Variants in IPCEF1 observed in about 807,000 individuals in gnomAD.
IPCEF1 encodes interaction protein for cytohesin exchange factors 1, also known as interactor protein for cytohesin exchange factors 1.
A neutral mutation model predicts 50.9 loss-of-function variants in IPCEF1; 31 were observed. That is an observed-to-expected ratio of 0.61 (90% CI 0.46 to 0.82). The LOEUF (loss-of-function observed/expected upper bound fraction) is 0.82, where lower values mean the gene tolerates loss of function less well. Ranked by LOEUF, IPCEF1 falls within the 40% of genes least tolerant of loss-of-function variation. The pLI is 0.00. For synonymous variants in IPCEF1, 181 were observed against 192.0 expected (o/e 0.94, Z 0.47); for missense variants, 458 against 514.0 (o/e 0.89, Z 1.05).
intron 1 of IPCEF1, among the ~76,000 whole-genome samples, chr6:154,342,143 A>G (rs1183939838): frequency 2.6e-5 from 4 of 152,126 alleles, no homozygotes; most frequent in African/African-American, 9.7e-5. Context: ...CTGGCCTCCC[A>G]TAAGCATGGA....
intron 8 of IPCEF1, among the ~76,000 whole-genome samples, chr6:154,213,993 T>C (rs1487064541): frequency 1.3e-5 from 2 of 152,208 alleles, no homozygotes; most frequent in African/African-American, 4.8e-5. Flanking sequence ...TGCCGGAGTG[T>C]GGGTGAAGTG....
chr6:154,224,273 T>A (rs1779081853), intron 5 of IPCEF1, among the ~76,000 whole-genome samples: 1 of 152,238 alleles, frequency 6.6e-6, no homozygotes, highest in Non-Finnish European at 1.5e-5. Flanking sequence ...CTCTTTCCTT[T>A]ATTGCCAACT....
At chr6:154,354,942 T>A (rs556705228) in intron 1 of IPCEF1, among the ~76,000 whole-genome samples, 2 of 152,072 alleles carry the variant, frequency 1.3e-5, no homozygotes, top group South Asian at 2.1e-4. Context: ...AAGTAACTCC[T>A]CCATTTGCAG....
chr6:154,223,234 C>G lies in IPCEF1; in HGVS notation c.256G>C (p.Ala86Pro), dbSNP rs1162570791. 7 of 1,612,554 alleles carry G rather than the reference C, an allele frequency of 4.3e-6. No homozygotes were observed. Among genetic ancestry groups the G allele is most frequent in the Non-Finnish European group, 5.9e-6 (7 of 1,179,524 alleles). ...TCAGGCAGGTTGACAAATCCATCAG[C>G]TTTCTCTGCCTGAAACAAATATATA... ...YWYSNQMAEKADGFVNLPDFT... is the reference protein window; with the variant it reads ...YWYSNQMAEKPDGFVNLPDFT... The change falls in exon 6 of 12, where the codon GCT becomes CCT. Residue 86 changes from alanine (A) to proline (P), a missense_variant. Coordinates refer to ENST00000367220, the MANE Select transcript of IPCEF1 (RefSeq NM_001130700.2).
intron 10 of IPCEF1, among the ~76,000 whole-genome samples, chr6:154,175,217 G>T (rs942921353): frequency 2.6e-5 from 4 of 152,178 alleles, no homozygotes; most frequent in Non-Finnish European, 4.4e-5. Context: ...ACAAGAGAAA[G>T]CAGGGAAGAT....
At chr6:154,183,351 T>A (rs538398780) in intron 10 of IPCEF1, among the ~76,000 whole-genome samples, 1 of 152,336 alleles carries the variant, frequency 6.6e-6, no homozygotes, top group South Asian at 2.1e-4. Flanking sequence ...TCTATGTACT[T>A]GCATAACATG....
At chr6:154,356,614 A>T (rs1415505395) in intron 1 of IPCEF1, 58 bp downstream of exon 1, 2 of 152,206 alleles carry the variant, frequency 1.3e-5, no homozygotes, top group Non-Finnish European at 2.9e-5. Flanking sequence ...TTGCTTTGCC[A>T]TCTTGATCTG....
intron 2 of IPCEF1, among the ~76,000 whole-genome samples, chr6:154,271,054 T>G (rs1442778365): frequency 6.6e-6 from 1 of 152,034 alleles, no homozygotes; most frequent in Non-Finnish European, 1.5e-5. Context: ...TAAAATATTT[T>G]CAGGCATAAA....
At chr6:154,247,639 C>A in intron 3 of IPCEF1, 151 bp from the exon 4 acceptor site, 1 of 573,506 alleles carries the variant, frequency 1.7e-6, no homozygotes, top group Non-Finnish European at 3.1e-6. Flanking sequence ...GAGCTACTAG[C>A]TGAGGCACAA....
rs1171254159 is a variant in IPCEF1 at position 154,155,913 on chromosome 6, G to A, written c.*3915C>T. On this transcript the variant is annotated 3_prime_UTR_variant, in exon 12 of 12. Coordinates refer to ENST00000367220, the MANE Select transcript of IPCEF1 (RefSeq NM_001130700.2). Reference sequence around the variant, plus strand: ...TTCTTTGAATCTGTTTCATCTCTGTGACATTGTTTGTGACTGGAGTGCTAC... The same window carrying A: ...TTCTTTGAATCTGTTTCATCTCTGTAACATTGTTTGTGACTGGAGTGCTAC... 1.3e-5 allele frequency: 2 copies of A among 152,086 alleles called. No individual in the cohort carries two copies. Among genetic ancestry groups the A allele is most frequent in the African/African-American group, 2.4e-5 (1 of 41,396 alleles). 9.4% of individuals were successfully genotyped at this position (152,086 alleles called of 1,614,324 possible). A position where few individuals can be genotyped will look rare whatever the true frequency, so the allele number is the denominator to read the frequency against.
At chr6:154,337,331 A>G (rs1783808684) in intron 1 of IPCEF1, among the ~76,000 whole-genome samples, 1 of 152,234 alleles carries the variant, frequency 6.6e-6, no homozygotes, top group Admixed American at 6.5e-5. Flanking sequence ...TTAGATATAG[A>G]CACTGAGTGT....
intron 11 of IPCEF1, among the ~76,000 whole-genome samples, chr6:154,167,716 A>G (rs1323703507): frequency 6.6e-6 from 1 of 152,170 alleles, no homozygotes; most frequent in East Asian, 1.9e-4. Context: ...CCTATTGTGA[A>G]AAACTGCCTT....
chr6:154,185,973 C>T (rs1354735986), intron 10 of IPCEF1, among the ~76,000 whole-genome samples: 1 of 152,230 alleles, frequency 6.6e-6, no homozygotes, highest in Non-Finnish European at 1.5e-5. Flanking sequence ...TTCCCCTTCT[C>T]CCTTAACAGG....
intron 9 of IPCEF1, among the ~76,000 whole-genome samples, chr6:154,202,199 G>T (rs1777124646): frequency 6.6e-6 from 1 of 152,086 alleles, no homozygotes; most frequent in African/African-American, 2.4e-5. Flanking sequence ...CTCTAGTTAA[G>T]ATACTAACTA....
Position 154,158,161 on chromosome 6 carries a change from C to T in IPCEF1, c.*1667G>A, listed in dbSNP as rs1280580637. On this transcript the variant is annotated 3_prime_UTR_variant, in exon 12 of 12. Coordinates refer to ENST00000367220, the MANE Select transcript of IPCEF1 (RefSeq NM_001130700.2). ...TGGGGAACTATTCAACAACTATTTC[C>T]ATTTTGTTTGCAGATATAATTCAGG... The T allele has an allele frequency of 2.0e-5, 3 of 152,164 alleles. No homozygotes were observed. The highest frequency in any genetic ancestry group is 7.2e-5 in the African/African-American group (3 of 41,430). 9.4% of individuals were successfully genotyped at this position (152,164 alleles called of 1,614,324 possible).
chr6:154,268,176 A>G (rs1781806532), intron 2 of IPCEF1, among the ~76,000 whole-genome samples: 2 of 152,196 alleles, frequency 1.3e-5, no homozygotes, highest in Admixed American at 6.5e-5. Context: ...CAGAGCAGGC[A>G]CTGACAGCAG....
At chr6:154,330,780 CCTTA>C (rs1471885657) in intron 1 of IPCEF1, among the ~76,000 whole-genome samples, 6 of 152,192 alleles carry the variant, frequency 3.9e-5, no homozygotes, top group African/African-American at 1.4e-4. Flanking sequence ...TATCAGGACA[CCTTA>C]CTTCCAATCT....
intron 10 of IPCEF1, among the ~76,000 whole-genome samples, chr6:154,169,250 A>T (rs1390396550): frequency 6.6e-6 from 1 of 152,112 alleles, no homozygotes; most frequent in East Asian, 1.9e-4. Context: ...CATCCCAGCT[A>T]CTCAGGAGAC....
chr6:154,212,386 T>C (rs1040196887), intron 9 of IPCEF1, among the ~76,000 whole-genome samples: 14 of 152,240 alleles, frequency 9.2e-5, no homozygotes, highest in African/African-American at 3.4e-4. Flanking sequence ...TTTTTCATCC[T>C]AAATTCATTT....
Sources: allele counts gnomAD v4.1 joint callset (sites outside exome capture counted in the v4.1 genomes callset), GRCh38; gene constraint gnomAD v4.1.1; transcripts MANE v1.5; gene names NCBI Gene and HGNC (gene_info 2026-07-23, HGNC 2026-07-21).